The following ARHGEF10L variants were observed in gnomAD, a reference collection of about 807,000 sequenced individuals.
The protein encoded by ARHGEF10L is Rho guanine nucleotide exchange factor 10 like.
A neutral mutation model predicts 141.2 loss-of-function variants in ARHGEF10L; 69 were observed. The observed-to-expected ratio is 0.49, with a 90% CI of 0.40 to 0.60. The LOEUF is 0.60. ARHGEF10L is among the 20% of genes least tolerant of loss of function. The pLI, the probability that ARHGEF10L is intolerant of heterozygous loss-of-function variation, is 0.00. For missense variants in ARHGEF10L, 1,482 were observed against 1,734.3 expected (o/e 0.85, Z 2.58); for synonymous variants, 711 against 718.5 (o/e 0.99, Z 0.17).
chr1:17,542,451 T>A (rs2477733), intron 1 of ARHGEF10L, among the ~76,000 whole-genome samples: 12,216 of 152,176 alleles, frequency 0.08, 560 homozygotes, highest in African/African-American at 0.11. Flanking sequence ...CCTGTCTTAA[T>A]TATATATATG....
chr1:17,673,687 C>T lies in ARHGEF10L; in HGVS notation c.3009+9092C>T, dbSNP rs2063470562. On this transcript the variant is annotated intron_variant, in intron 26 of 28. Transcript: ENST00000361221. The surrounding 1 kb of genome is among the most constrained non-coding windows in gnomAD (Gnocchi z 4.1). ...GGCATTCCCGGCTGCCCCTGCATGC[C>T]TTGTCTGAGTGGGCTTGGATGGTGG... 6.6e-6 allele frequency among the ~76,000 whole-genome samples: 1 copy of T among 152,178 alleles called. No homozygotes were observed. The highest frequency in any genetic ancestry group is 2.1e-4 in the South Asian group (1 of 4,834).
intron 9 of ARHGEF10L, among the ~76,000 whole-genome samples, chr1:17,617,462 G>A (rs1476331751): frequency 6.6e-6 from 1 of 152,152 alleles, no homozygotes; most frequent in Non-Finnish European, 1.5e-5. Context: ...AGGCATTGGT[G>A]GGACAGGGTC....
chr1:17,608,277 A>G (rs1453369055), intron 7 of ARHGEF10L, among the ~76,000 whole-genome samples: 1 of 152,178 alleles, frequency 6.6e-6, no homozygotes, highest in African/African-American at 2.4e-5. Flanking sequence ...CCTGATGCTC[A>G]CGGGCTCAGA....
At chr1:17,650,163 A>G (rs1221383750) in intron 22 of ARHGEF10L, among the ~76,000 whole-genome samples, 1 of 152,100 alleles carries the variant, frequency 6.6e-6, no homozygotes, top group African/African-American at 2.4e-5. Flanking sequence ...TAATCCCAGC[A>G]CTTTGGGAGG....
chr1:17,586,104 C>T (rs2079002520), intron 2 of ARHGEF10L, among the ~76,000 whole-genome samples: 1 of 152,186 alleles, frequency 6.6e-6, no homozygotes, highest in African/African-American at 2.4e-5. Context: ...AATCGTCCTA[C>T]AGTGCACAGG....
chr1:17,643,055 G>A (rs2061411245), intron 21 of ARHGEF10L, among the ~76,000 whole-genome samples: 1 of 152,204 alleles, frequency 6.6e-6, no homozygotes, highest in Non-Finnish European at 1.5e-5. Flanking sequence ...TGGAAGAAGA[G>A]TCATTTGAAA....
intron 1 of ARHGEF10L, among the ~76,000 whole-genome samples, chr1:17,551,955 T>C (rs540929334): frequency 6.6e-6 from 1 of 152,162 alleles, no homozygotes; most frequent in Non-Finnish European, 1.5e-5. Context: ...CATTGCCTTT[T>C]TGCAGTCTCA....
chr1:17,594,384 G>A lies in ARHGEF10L; in HGVS notation c.257+5905G>A, dbSNP rs75317512. Among the ~76,000 whole-genome samples the A allele has an allele frequency of 6.6e-4, 100 of 152,270 alleles. 1 individual carries two copies. Among genetic ancestry groups the A allele is most frequent in the African/African-American group, 2.3e-3 (94 of 41,564 alleles). On this transcript the variant is annotated intron_variant, in intron 4 of 28. Transcript: ENST00000361221. ...GTGTTCTAATCCCTCTGGTGCAACC[G>A]TCTCCCACACAGAGCTGGTTTGGAT...
rs542726277 is a variant in ARHGEF10L, at chr1:17,639,062, C to G, written c.2171+373C>G. Among the ~76,000 whole-genome samples, 13 of 152,270 alleles carry G rather than the reference C, an allele frequency of 8.5e-5. No individual in the cohort carries two copies. Among genetic ancestry groups the G allele is most frequent in the African/African-American group, 3.1e-4 (13 of 41,552 alleles). ...TCCTCTCTCTGGACCCAGCCTCCCC[C>G]CAGCACCACCTTAGCCCCAGAATGC... is the stretch of plus-strand genomic sequence containing the variant. On this transcript the variant is annotated intron_variant, in intron 20 of 28. Transcript: ENST00000361221. The surrounding 1 kb of genome is among the most constrained non-coding windows in gnomAD (Gnocchi z 4.3).
chr1:17,567,436 G>A (rs1023283201), intron 1 of ARHGEF10L, among the ~76,000 whole-genome samples: 19 of 152,116 alleles, frequency 1.2e-4, no homozygotes, highest in Non-Finnish European at 8.8e-5. Context: ...GCGCGATCTC[G>A]GCTCACTGTA....
At chr1:17,568,265 T>A (rs1288067842) in intron 1 of ARHGEF10L, among the ~76,000 whole-genome samples, 1 of 152,194 alleles carries the variant, frequency 6.6e-6, no homozygotes, top group Non-Finnish European at 1.5e-5. Flanking sequence ...TGTTCCAGGC[T>A]CTCAGTGAAG....
At chr1:17,585,050 G>T (rs1465448636) in intron 2 of ARHGEF10L, among the ~76,000 whole-genome samples, 1 of 152,128 alleles carries the variant, frequency 6.6e-6, no homozygotes, top group Non-Finnish European at 1.5e-5. Context: ...TACCCCATAT[G>T]ATTTTATTAA....
intron 27 of ARHGEF10L, 114 bp downstream of exon 27, chr1:17,687,861 G>T: frequency 8.2e-7 from 1 of 1,224,166 alleles, no homozygotes; most frequent in Non-Finnish European, 1.1e-6. Flanking sequence ...CTGAAAACTG[G>T]GGCTTTAATT....
intron 26 of ARHGEF10L, among the ~76,000 whole-genome samples, chr1:17,684,828 TCTCCC>T (rs1380314816): frequency 6.6e-6 from 1 of 151,942 alleles, no homozygotes; most frequent in Non-Finnish European, 1.5e-5. Context: ...TGCTGTCTCT[TCTCCC>T]CTCCCCTCCC....
At chr1:17,676,244 G>T (rs2063707052) in intron 26 of ARHGEF10L, among the ~76,000 whole-genome samples, 1 of 147,442 alleles carries the variant, frequency 6.8e-6, no homozygotes, top group African/African-American at 2.5e-5. Flanking sequence ...ATGTGTGGGT[G>T]CAGGCGTGGG....
In ARHGEF10L at chr1:17,625,146, AG is replaced by A. The variant is rs1188162168; in HGVS notation, c.1317+647del. Among the ~76,000 whole-genome samples, 1 of 152,218 alleles carries A rather than the reference AG, an allele frequency of 6.6e-6. No individual in the cohort carries two copies. The highest frequency in any genetic ancestry group is 6.5e-5 in the Admixed American group (1 of 15,288). On this transcript the variant is annotated intron_variant, in intron 13 of 28. Transcript: ENST00000361221. This position sits in a 1 kb window ranked among gnomAD's most constrained non-coding sequence, Gnocchi z 4.5. ...ACCCACTGTCCCCATCAAAGAGAAC[AG>A]GGGATCAGGAGGAGCCACCATCTGA...
chr1:17,696,985 G>A lies in ARHGEF10L; in HGVS notation c.3445G>A (p.Asp1149Asn), dbSNP rs1303013418. 4.3e-6 allele frequency: 7 copies of A among 1,611,732 alleles called. No homozygotes were observed. Among genetic ancestry groups the A allele is most frequent in the Non-Finnish European group, 5.9e-6 (7 of 1,179,560 alleles). ...GCCCCGGGCTGAGGAGGACAAGCCAGACGGGCAGGCACACGAGCCCATGCC... is the reference window on the plus strand; with the variant it reads ...GCCCCGGGCTGAGGAGGACAAGCCAAACGGGCAGGCACACGAGCCCATGCC... ...EGPRAEEDKP[D>N]GQAHEPMPDS... Residue 1149 changes from aspartate to asparagine, a missense_variant, in exon 29 of 29, where the codon GAC becomes AAC. By Grantham distance (23) the Asp-to-Asn change is conservative. Around this residue, in one of 3 missense-constraint regions of ARHGEF10L, gnomAD observed 858 missense variants for 966.3 expected, o/e 0.89. Transcript: ENST00000361221.
intron 1 of ARHGEF10L, among the ~76,000 whole-genome samples, chr1:17,575,541 C>T (rs368854441): frequency 8.5e-5 from 13 of 152,312 alleles, no homozygotes; most frequent in African/African-American, 2.6e-4. Flanking sequence ...GAAAGCCATT[C>T]GTGAGAGCCA....
At chr1:17,530,233 G>C in the ARHGEF10L span, among the ~76,000 whole-genome samples, 10 of 152,074 alleles carry the variant, frequency 6.6e-5, no homozygotes, top group African/African-American at 2.4e-4. Context: ...GTCTCTATTG[G>C]GATGGTTTGG....
Sources: gnomAD v4.1 joint callset for allele counts (sites outside exome capture counted in the v4.1 genomes callset) on GRCh38, gnomAD v4.1.1 for gene constraint, gnomAD v4.1.1 regional missense constraint, Gnocchi (gnomAD v3.1) non-coding constraint, MANE v1.5 for transcripts, NCBI Gene and HGNC (gene_info 2026-07-23, HGNC 2026-07-21) for gene names.